The following CDON variants were observed in gnomAD, a reference collection of about 807,000 sequenced individuals.
The protein encoded by CDON is cell adhesion molecule-related/down-regulated by oncogenes.
In CDON, 73 loss-of-function variants were observed where a neutral mutation model predicts 120.9. That is an observed-to-expected ratio of 0.60 (90% CI 0.50 to 0.73). The LOEUF is 0.73. Ranked by LOEUF, CDON falls within the 30% of genes least tolerant of loss-of-function variation. The pLI is 0.00. For synonymous variants in CDON, 566 were observed against 573.5 expected (o/e 0.99, Z 0.19); for missense variants, 1,470 against 1,587.3 (o/e 0.93, Z 1.26).
chr11:126,033,020 T>C (rs1400500275), intron 1 of CDON, among the ~76,000 whole-genome samples: 3 of 152,096 alleles, frequency 2.0e-5, no homozygotes, highest in Admixed American at 1.3e-4. Flanking sequence ...AACAGGACTT[T>C]GATAATGAAT....
At chr11:125,962,098 A>G in intron 18 of CDON, 100 bp from the exon 19 acceptor site, 1 of 913,490 alleles carries the variant, frequency 1.1e-6, no homozygotes, top group Non-Finnish European at 1.8e-6. Flanking sequence ...GTATTCACAG[A>G]CTCTTAAGAA....
At chr11:125,993,858 A>C (rs146344697) in intron 14 of CDON, among the ~76,000 whole-genome samples, 4 of 152,202 alleles carry the variant, frequency 2.6e-5, no homozygotes, top group Non-Finnish European at 5.9e-5. Flanking sequence ...TCTTTTCTAC[A>C]TGCATTCCAA....
chr11:126,017,296 G>C lies in CDON; in HGVS notation c.720C>G (p.Thr240=). The C allele has an allele frequency of 6.2e-7, 1 of 1,614,108 alleles. No individual in the cohort carries two copies. Among genetic ancestry groups the C allele is most frequent in the South Asian group, 1.1e-5 (1 of 91,078 alleles). The change falls in exon 6 of 20, where the codon ACC becomes ACG. Residue 240 remains threonine (T), a synonymous_variant. Coordinates refer to ENST00000531738, the MANE Select transcript of CDON (RefSeq NM_001378964.1). ...ALAVLSRSPV[T]LECVVSGVPA... ...GGACCCCACTCACCACACACTCCAA[G>C]GTTACAGGGCTACGAGAAAGAACAG... is the stretch of plus-strand genomic sequence containing the variant.
intron 1 of CDON, among the ~76,000 whole-genome samples, chr11:126,046,107 T>A (rs1048515107): frequency 6.6e-6 from 1 of 152,248 alleles, no homozygotes; most frequent in Non-Finnish European, 1.5e-5. Flanking sequence ...CACATAGCTG[T>A]TTCCTTGATC....
At position 126,001,786 on chromosome 11, in the gene CDON, G is replaced by A. The variant is rs370608857; in HGVS notation, c.2091C>T (p.Pro697=). The A allele has an allele frequency of 1.5e-5, 24 of 1,611,482 alleles. No individual in the cohort carries two copies. In the African/African-American group the frequency reaches 2.5e-4, roughly 17 times the overall value. Residue 697 remains proline, a synonymous_variant, in exon 11 of 20, where the codon CCC becomes CCT. Transcript: ENST00000531738. ...SSPPVGIPKY[P]VVSEAANNNF... ...TGTTGTTTGCAGCCTCTGAAACAAC[G>A]GGATACTTAGGGATGCCCACGGGTG...
At chr11:126,002,475 T>C (rs1946974061) in intron 10 of CDON, among the ~76,000 whole-genome samples, 1 of 152,332 alleles carries the variant, frequency 6.6e-6, no homozygotes, top group South Asian at 2.1e-4. Flanking sequence ...TCAATCTTCA[T>C]ACCTCCTTTT....
chr11:126,012,213 T>C (rs1947323511), intron 7 of CDON, among the ~76,000 whole-genome samples: 1 of 152,182 alleles, frequency 6.6e-6, no homozygotes, highest in Non-Finnish European at 1.5e-5. Flanking sequence ...TATGATGGGA[T>C]TTTAATTTGA....
At chr11:125,982,090 T>C (rs1215014545) in intron 16 of CDON, among the ~76,000 whole-genome samples, 1 of 141,740 alleles carries the variant, frequency 7.1e-6, no homozygotes, top group Non-Finnish European at 1.5e-5. Flanking sequence ...TTCAAGCAAT[T>C]CTCCTGCTTC....
intron 1 of CDON, among the ~76,000 whole-genome samples, chr11:126,048,255 C>G (rs1948455146): frequency 6.8e-6 from 1 of 146,392 alleles, no homozygotes; most frequent in Admixed American, 7.1e-5. Flanking sequence ...TGCACTCCAG[C>G]CTGTGCAACA....
chr11:126,051,574 C>G (rs1038879426), intron 1 of CDON, among the ~76,000 whole-genome samples: 1 of 152,128 alleles, frequency 6.6e-6, no homozygotes. Context: ...AATTAAAACC[C>G]CCACTGCACC....
intron 15 of CDON, among the ~76,000 whole-genome samples, chr11:125,987,257 G>C (rs1343303345): frequency 6.6e-6 from 1 of 152,000 alleles, no homozygotes; most frequent in Non-Finnish European, 1.5e-5. Context: ...CTAACAGCCT[G>C]AAAAAAGAAA....
chr11:125,981,377 CGCACACATGCACATACGCACACACGCAT>C lies in CDON; in HGVS notation c.2996-76_2996-49del, dbSNP rs753178058. ...ACACACACGCACACACACACACGCA[CGCACACATGCACATACGCACACACGCAT>C]GCACACATGCACATACGCACACACG... is the stretch of plus-strand genomic sequence containing the variant. On this transcript the variant is annotated intron_variant, in intron 16 of 19. Transcript: ENST00000531738. 1.0e-3 allele frequency: 1,606 copies of C among 1,568,104 alleles called. 2 individuals carry two copies. Among genetic ancestry groups the C allele is most frequent in the Middle Eastern group, 8.1e-3 (48 of 5,920 alleles).
intron 1 of CDON, among the ~76,000 whole-genome samples, chr11:126,042,903 G>A (rs1364888519): frequency 1.3e-5 from 2 of 152,290 alleles, no homozygotes; most frequent in Non-Finnish European, 2.9e-5. Context: ...GATTACAGGC[G>A]TGAGCCACCT....
intron 11 of CDON, among the ~76,000 whole-genome samples, chr11:125,998,969 C>G (rs1330678571): frequency 6.6e-6 from 1 of 152,150 alleles, no homozygotes; most frequent in South Asian, 2.1e-4. Flanking sequence ...TCCACCTCAA[C>G]ATGTCTTCAA....
In CDON at chr11:126,015,331, C is replaced by A; in HGVS notation, c.1108G>T (p.Val370Phe). 1 of 1,614,014 alleles carries A rather than the reference C, an allele frequency of 6.2e-7. No individual in the cohort carries two copies. Among genetic ancestry groups the A allele is most frequent in the Non-Finnish European group, 8.5e-7 (1 of 1,179,932 alleles). Reference protein sequence around the residue: ...TAGNGLKISGVTVEDVGMYQC... With the variant: ...TAGNGLKISGFTVEDVGMYQC... ...TACATCCCAACATCTTCCACAGTAACCCCACTGATTTTCAGTCCGTTTCCT... is the reference window on the plus strand; with the variant it reads ...TACATCCCAACATCTTCCACAGTAAACCCACTGATTTTCAGTCCGTTTCCT... The change falls in exon 7 of 20, where the codon GTT becomes TTT. Residue 370 changes from valine (V) to phenylalanine (F), a missense_variant. Coordinates refer to ENST00000531738, the MANE Select transcript of CDON (RefSeq NM_001378964.1).
chr11:126,056,504 G>C lies in CDON; in HGVS notation c.-62+6075C>G, dbSNP rs142801520. On this transcript the variant is annotated intron_variant, in intron 1 of 19. Coordinates refer to ENST00000531738, the MANE Select transcript of CDON (RefSeq NM_001378964.1). ...AATGTTGAAAAATACAATGTCTCCTGAGAGAAAAATGGCTAGTGTTCAAGC... is the reference window on the plus strand; with the variant it reads ...AATGTTGAAAAATACAATGTCTCCTCAGAGAAAAATGGCTAGTGTTCAAGC... Among the ~76,000 whole-genome samples, 508 of 152,278 alleles carry C rather than the reference G, an allele frequency of 3.3e-3. 7 individuals are homozygous for C. Among genetic ancestry groups the C allele is most frequent in the African/African-American group, 0.011 (448 of 41,544 alleles).
At chr11:126,057,938 T>C (rs2134964333) in intron 1 of CDON, among the ~76,000 whole-genome samples, 2 of 152,306 alleles carry the variant, frequency 1.3e-5, no homozygotes, top group South Asian at 4.1e-4. Context: ...CCCACAACAA[T>C]GGTAAGACAT....
At chr11:125,982,982 C>G (rs570311202) in intron 16 of CDON, among the ~76,000 whole-genome samples, 12 of 152,356 alleles carry the variant, frequency 7.9e-5, no homozygotes, top group Admixed American at 4.6e-4. Context: ...ATCTCTCCCC[C>G]TATCTCTTGG....
At chr11:126,043,106 C>T (rs960089495) in intron 1 of CDON, among the ~76,000 whole-genome samples, 1 of 152,200 alleles carries the variant, frequency 6.6e-6, no homozygotes, top group Non-Finnish European at 1.5e-5. Flanking sequence ...AACTGGCTGT[C>T]CGCAACAAAT....
Sources: allele counts gnomAD v4.1 joint callset (sites outside exome capture counted in the v4.1 genomes callset), GRCh38; gene constraint gnomAD v4.1.1; transcripts MANE v1.5; gene names NCBI Gene and HGNC (gene_info 2026-07-23, HGNC 2026-07-21).